PARD3B: variants seen among roughly 807,000 people sequenced by gnomAD.
The protein encoded by PARD3B is partitioning defective 3 homolog B.
Under a neutral mutation model 130.2 loss-of-function variants are expected in PARD3B, and 103 were observed. That is an observed-to-expected ratio of 0.79 (90% CI 0.67 to 0.93). PARD3B has a LOEUF of 0.93. PARD3B is among the 40% of genes least tolerant of loss of function. The pLI is 0.00. For synonymous variants in PARD3B, 583 were observed against 553.2 expected, an observed-to-expected ratio of 1.05 and a Z score of -0.76; for missense variants, 1,609 against 1,499.2, an observed-to-expected ratio of 1.07 and a Z score of -1.21.
chr2:205,047,866 G>A (rs1171998645), intron 4 of PARD3B, 176 bp downstream of exon 4: 13 of 484,432 alleles, frequency 2.7e-5, no homozygotes, highest in African/African-American at 5.9e-5. Context: ...TAGTTATAGC[G>A]ATAGCTATTA....
intron 18 of PARD3B, among the ~76,000 whole-genome samples, chr2:205,379,288 T>G (rs1344859026): frequency 6.6e-6 from 1 of 152,030 alleles, no homozygotes; most frequent in Admixed American, 6.6e-5. Context: ...TTATAATTCA[T>G]GGAGATTAAT....
At chr2:205,077,396 TTC>T (rs1339474874) in intron 4 of PARD3B, among the ~76,000 whole-genome samples, 2 of 152,200 alleles carry the variant, frequency 1.3e-5, no homozygotes, top group Admixed American at 1.3e-4. Flanking sequence ...TCTGTTTCTT[TTC>T]TGTTTTTAAG....
In PARD3B at chr2:205,309,823, T is replaced by G. The variant is rs574619711; in HGVS notation, c.2630+8122T>G. 9.8e-5 allele frequency among the ~76,000 whole-genome samples: 15 copies of G among 152,292 alleles called. No individual in the cohort carries two copies. Among genetic ancestry groups the G allele is most frequent in the African/African-American group, 3.6e-4 (15 of 41,554 alleles). On this transcript the variant is annotated intron_variant, in intron 18 of 22. Coordinates refer to ENST00000406610, the MANE Select transcript of PARD3B (RefSeq NM_001302769.2). The surrounding 1 kb of genome is among the most constrained non-coding windows in gnomAD (Gnocchi z 4.7). ...CATCCTGTCCAGGTTGTTGTAAAAT[T>G]TAAGTTAAACGGTTTAGGTAAGCAA...
chr2:205,149,226 C>G (rs983193979), intron 10 of PARD3B, among the ~76,000 whole-genome samples: 3 of 151,980 alleles, frequency 2.0e-5, no homozygotes, highest in Non-Finnish European at 4.4e-5. Context: ...GTATATCTAG[C>G]GAGGCCTGAC....
At chr2:204,866,130 T>C (rs1222121483) in intron 2 of PARD3B, among the ~76,000 whole-genome samples, 1 of 152,198 alleles carries the variant, frequency 6.6e-6, no homozygotes, top group African/African-American at 2.4e-5. Flanking sequence ...AATTTTGCTA[T>C]ATTGTTTTAT....
At chr2:205,000,379 G>C (rs1273425083) in intron 3 of PARD3B, among the ~76,000 whole-genome samples, 1 of 152,130 alleles carries the variant, frequency 6.6e-6, no homozygotes, top group Non-Finnish European at 1.5e-5. Context: ...GTAGTGGTTG[G>C]GGGACGAGAT....
chr2:204,821,725 A>T (rs964163807), intron 2 of PARD3B, among the ~76,000 whole-genome samples: 5 of 151,412 alleles, frequency 3.3e-5, no homozygotes, highest in Non-Finnish European at 7.4e-5. Context: ...AAAAAAAAAT[A>T]AAAAAAATAG....
chr2:204,660,762 G>T (rs2035781095), intron 1 of PARD3B, among the ~76,000 whole-genome samples: 1 of 152,266 alleles, frequency 6.6e-6, no homozygotes, highest in South Asian at 2.1e-4. Context: ...TTTAGGAACA[G>T]AACTCATTAA....
chr2:205,343,736 G>A (rs973553711), intron 18 of PARD3B, among the ~76,000 whole-genome samples: 2 of 152,062 alleles, frequency 1.3e-5, no homozygotes, highest in African/African-American at 4.8e-5. Flanking sequence ...GCCTCCTGAC[G>A]TATGTTTTCT....
intron 18 of PARD3B, among the ~76,000 whole-genome samples, chr2:205,399,423 C>T (rs902922089): frequency 4.6e-5 from 7 of 151,992 alleles, no homozygotes; most frequent in East Asian, 3.9e-4. Context: ...GGTGCCATCT[C>T]GGCTCACTGC....
At chr2:204,772,013 T>C (rs2041408625) in intron 2 of PARD3B, among the ~76,000 whole-genome samples, 1 of 152,064 alleles carries the variant, frequency 6.6e-6, no homozygotes, top group Non-Finnish European at 1.5e-5. Context: ...CTTTTAACAA[T>C]ATATGCTTAT....
chr2:205,258,376 C>G lies in PARD3B; in HGVS notation c.2185+12554C>G, dbSNP rs1002528198. On this transcript the variant is annotated intron_variant, in intron 16 of 22. Coordinates refer to ENST00000406610, the MANE Select transcript of PARD3B (RefSeq NM_001302769.2). The surrounding 1 kb of genome is among the most constrained non-coding windows in gnomAD (Gnocchi z 4.9). ...TCTATACGGCTGATTCACTCTGATTCAATTCTCAGGTCAAATGTTCTTTCT... is the reference window on the plus strand; with the variant it reads ...TCTATACGGCTGATTCACTCTGATTGAATTCTCAGGTCAAATGTTCTTTCT... 3.3e-5 allele frequency among the ~76,000 whole-genome samples: 5 copies of G among 152,290 alleles called. No individual in the cohort carries two copies. The highest frequency in any genetic ancestry group is 1.2e-4 in the African/African-American group (5 of 41,566).
At chr2:205,050,630 A>G (rs919526053) in intron 4 of PARD3B, among the ~76,000 whole-genome samples, 2 of 152,172 alleles carry the variant, frequency 1.3e-5, no homozygotes, top group African/African-American at 4.8e-5. Flanking sequence ...TAATTGTTAT[A>G]CTGACTATAT....
In PARD3B at chr2:205,615,927, C is replaced by CT; in HGVS notation, c.*119dup. The CT allele has an allele frequency of 1.1e-6, 1 of 890,306 alleles. No homozygotes were observed. The highest frequency in any genetic ancestry group is 2.6e-4 in the Middle Eastern group (1 of 3,868). 55.2% of individuals were successfully genotyped at this position (890,306 alleles called of 1,614,324 possible). A position where few individuals can be genotyped will look rare whatever the true frequency, so the allele number is the denominator to read the frequency against. On this transcript the variant is annotated 3_prime_UTR_variant, in exon 23 of 23. Transcript: ENST00000406610. Reference sequence around the variant, plus strand: ...AGGAATTCTCCATGTTACTGATAAGCTTTTTCTCACTGACATTGTAACGCA... The same window carrying CT: ...AGGAATTCTCCATGTTACTGATAAGCTTTTTTCTCACTGACATTGTAACGCA...
chr2:205,566,828 T>C (rs1032060378), intron 22 of PARD3B, among the ~76,000 whole-genome samples: 3 of 152,220 alleles, frequency 2.0e-5, no homozygotes, highest in African/African-American at 7.2e-5. Context: ...TGCAAAAACC[T>C]GGGCATCCTT....
intron 2 of PARD3B, among the ~76,000 whole-genome samples, chr2:204,761,812 A>C (rs1244599451): frequency 6.6e-6 from 1 of 152,242 alleles, no homozygotes; most frequent in East Asian, 1.9e-4. Flanking sequence ...TTTATCTGAC[A>C]TGTAAATAGT....
chr2:205,193,223 A>G lies in PARD3B; in HGVS notation c.2043A>G (p.Ala681=). 1.2e-6 allele frequency: 2 copies of G among 1,610,784 alleles called. No individual in the cohort carries two copies. Among genetic ancestry groups the G allele is most frequent in the Middle Eastern group, 3.3e-4 (2 of 6,056 alleles). Residue 681 remains alanine (A), a synonymous_variant, in exon 15 of 23, where the codon GCA becomes GCG. Transcript: ENST00000406610. ...DYSHSSGVDS[A]VYFPDQHINF... The stretch of plus-strand genomic sequence containing the variant: ...TCCACAGCTCTGGGGTGGATTCAGC[A>G]GTATATTTTCCAGATCAGCACATCA...
chr2:204,568,957 A>AAAAAAAAAAAAG lies in PARD3B; in HGVS notation c.120+22849_120+22850insGAAAAAAAAAAA, dbSNP rs1181637251. On this transcript the variant is annotated intron_variant, in intron 1 of 22. Transcript: ENST00000406610. ...GTGACAGAGTGAGACTGTCTCAGGAAAAAAAAAAAAAAATTGCAGGAAAAC... is the reference window on the plus strand; with the variant it reads ...GTGACAGAGTGAGACTGTCTCAGGAAAAAAAAAAAAAGAAAAAAAAAAAAATTGCAGGAAAAC... Among the ~76,000 whole-genome samples the AAAAAAAAAAAAG allele has an allele frequency of 8.1e-5, 12 of 148,850 alleles. 1 individual carries two copies. The highest frequency in any genetic ancestry group is 2.2e-4 in the African/African-American group (9 of 40,606).
chr2:204,838,850 A>T (rs988980135), intron 2 of PARD3B, among the ~76,000 whole-genome samples: 4 of 152,202 alleles, frequency 2.6e-5, no homozygotes, highest in African/African-American at 9.6e-5. Flanking sequence ...GTGTATCAAT[A>T]CACAATGAAA....
Sources: gnomAD v4.1 joint callset for allele counts (sites outside exome capture counted in the v4.1 genomes callset) on GRCh38, gnomAD v4.1.1 for gene constraint, Gnocchi (gnomAD v3.1) non-coding constraint, MANE v1.5 for transcripts, NCBI Gene and HGNC (gene_info 2026-07-23, HGNC 2026-07-21) for gene names.